The following PTPRJ variants were observed in gnomAD, a reference collection of about 807,000 sequenced individuals.
The protein encoded by PTPRJ is receptor-type tyrosine-protein phosphatase eta.
Under a neutral mutation model 141.3 loss-of-function variants are expected in PTPRJ, and 129 were observed. That is an observed-to-expected ratio of 0.91 (90% confidence interval 0.79 to 1.06). The LOEUF (loss-of-function observed/expected upper bound fraction) is 1.06. PTPRJ is among the 50% of genes least tolerant of loss of function. PTPRJ has a pLI of 0.00. For missense variants in PTPRJ, 1,601 were observed against 1,679.7 expected (o/e 0.95, Z 0.82); for synonymous variants, 610 against 640.5 (o/e 0.95, Z 0.72).
Position 48,144,694 on chromosome 11 carries a change from T to A in PTPRJ, c.2595T>A (p.Asp865Glu), listed in dbSNP as rs1421487476. Reference sequence around the variant, plus strand: ...TCTTAGCTGGTCACCCTTCTGCAGATGTCCTGAAATACACGTATGAGGATT... The same window carrying A: ...TCTTAGCTGGTCACCCTTCTGCAGAAGTCCTGAAATACACGTATGAGGATT... ...TTGEAGHPSA[D>E]VLKYTYEDFK... Residue 865 changes from aspartate to glutamate, a missense_variant, in exon 13 of 25, where the codon GAT becomes GAA. Asp to Glu is a conservative substitution (Grantham distance 45, BLOSUM62 2). Transcript: ENST00000418331. 6.2e-7 allele frequency: 1 copy of A among 1,613,940 alleles called. No homozygotes were observed. Among genetic ancestry groups the A allele is most frequent in the Admixed American group, 1.7e-5 (1 of 60,022 alleles).
chr11:48,121,214 A>G lies in PTPRJ; in HGVS notation c.564A>G (p.Pro188=). ...CTTCATATGTATTCTCCATCACTCC[A>G]GGAATAGGCAATGAGACTTGGGGAG... ...PATSYVFSIT[P]GIGNETWGDP... The change falls in exon 4 of 25, where the codon CCA becomes CCG. Residue 188 remains proline, a synonymous_variant. Coordinates refer to ENST00000418331, the MANE Select transcript of PTPRJ (RefSeq NM_002843.4). 6.2e-7 allele frequency: 1 copy of G among 1,614,180 alleles called. No individual in the cohort carries two copies. The highest frequency in any genetic ancestry group is 8.5e-7 in the Non-Finnish European group (1 of 1,179,994).
chr11:48,078,367 C>T (rs952952329), intron 1 of PTPRJ, among the ~76,000 whole-genome samples: 1 of 152,084 alleles, frequency 6.6e-6, no homozygotes, highest in Non-Finnish European at 1.5e-5. Context: ...CTGATGGATT[C>T]AGTTTATGTG....
Position 48,168,245 on chromosome 11 carries a change from A to G in PTPRJ, c.*883A>G, listed in dbSNP as rs1857965743. 1 of 151,926 alleles carries G rather than the reference A, an allele frequency of 6.6e-6. No individual in the cohort carries two copies. The highest frequency in any genetic ancestry group is 2.1e-4 in the South Asian group (1 of 4,824). The allele number at this position is 151,926 out of a possible 1,614,324, so 9.4% of individuals were successfully genotyped here. On this transcript the variant is annotated 3_prime_UTR_variant, in exon 25 of 25. Coordinates refer to ENST00000418331, the MANE Select transcript of PTPRJ (RefSeq NM_002843.4). ...GCAGAGGAATCCTACAGTGGCAGAA[A>G]TCCTTTTCTTGTCCCTGTATTATCC...
chr11:48,146,038 G>A (rs143453250), intron 14 of PTPRJ, among the ~76,000 whole-genome samples: 3 of 152,220 alleles, frequency 2.0e-5, no homozygotes, highest in African/African-American at 7.2e-5. Flanking sequence ...ATGGGGTCTT[G>A]CTATGTTGCC....
chr11:48,127,778 A>G lies in PTPRJ; in HGVS notation c.1094-2A>G. ...TTTTGAACTCCTCTTGTGTTCTCAC[A>G]GATGCTATTCAGGTTTTTGACGTCA... On this transcript the variant is annotated splice_acceptor_variant, in intron 6 of 24. Coordinates refer to ENST00000418331, the MANE Select transcript of PTPRJ (RefSeq NM_002843.4). LOFTEE classifies it high-confidence loss of function. 2 of 1,613,778 alleles carry G rather than the reference A, an allele frequency of 1.2e-6. No individual in the cohort carries two copies. Among genetic ancestry groups the G allele is most frequent in the South Asian group, 1.1e-5 (1 of 91,076 alleles).
intron 1 of PTPRJ, among the ~76,000 whole-genome samples, chr11:48,039,100 A>C (rs1173662942): frequency 2.6e-5 from 4 of 150,970 alleles, no homozygotes; most frequent in African/African-American, 9.8e-5. Flanking sequence ...CAGTGAGCTG[A>C]GATCATACCA....
chr11:48,137,689 C>T (rs1857137591), intron 10 of PTPRJ, among the ~76,000 whole-genome samples: 1 of 152,074 alleles, frequency 6.6e-6, no homozygotes, highest in Non-Finnish European at 1.5e-5. Flanking sequence ...TGCAGCATCA[C>T]CACTGTATCT....
chr11:48,079,340 G>A (rs564144667), intron 1 of PTPRJ, among the ~76,000 whole-genome samples: 8 of 152,068 alleles, frequency 5.3e-5, no homozygotes, highest in Admixed American at 3.9e-4. Flanking sequence ...TCTTGGTGGC[G>A]GTGTTCTAGA....
At position 47,996,467 on chromosome 11, in the gene PTPRJ, T is replaced by G. The variant is rs570186182; in HGVS notation, c.96+15459T>G. Among the ~76,000 whole-genome samples the G allele has an allele frequency of 7.2e-5, 11 of 152,176 alleles. No individual in the cohort carries two copies. The South Asian group carries it at 1.5e-3, about 20-fold the overall frequency. On this transcript the variant is annotated intron_variant, in intron 1 of 24. Transcript: ENST00000418331. The stretch of plus-strand genomic sequence containing the variant: ...TGCTATCTGCACAGGGACTTGAGCC[T>G]CTCAGAATCTGTTACTGCATCTGGA...
intron 2 of PTPRJ, among the ~76,000 whole-genome samples, chr11:48,112,392 G>C (rs1403108222): frequency 1.3e-5 from 2 of 152,202 alleles, no homozygotes; most frequent in African/African-American, 2.4e-5. Flanking sequence ...CCTGAACAGA[G>C]ACTCTAGGAG....
chr11:48,007,969 T>C (rs1176108394), intron 1 of PTPRJ, among the ~76,000 whole-genome samples: 2 of 152,230 alleles, frequency 1.3e-5, no homozygotes, highest in African/African-American at 4.8e-5. Flanking sequence ...CAGTTCCTGG[T>C]TCTTTCTGCC....
At chr11:48,063,793 G>A (rs1855003418) in intron 1 of PTPRJ, among the ~76,000 whole-genome samples, 1 of 152,146 alleles carries the variant, frequency 6.6e-6, no homozygotes, top group Non-Finnish European at 1.5e-5. Context: ...AACTTGATCT[G>A]GGGAAGGAGG....
chr11:48,082,123 C>G (rs1855574472), intron 1 of PTPRJ, among the ~76,000 whole-genome samples: 1 of 152,208 alleles, frequency 6.6e-6, no homozygotes, highest in African/African-American at 2.4e-5. Flanking sequence ...TCCCATCTCT[C>G]TTTTGTCTTC....
At position 47,980,678 on chromosome 11, in the gene PTPRJ, A is replaced by T; in HGVS notation, c.-235A>T. 1 of 987,944 alleles carries T rather than the reference A, an allele frequency of 1.0e-6. No individual in the cohort carries two copies. Among genetic ancestry groups the T allele is most frequent in the Non-Finnish European group, 1.2e-6 (1 of 833,110 alleles). 61.2% of individuals were successfully genotyped at this position (987,944 alleles called of 1,614,324 possible). A position where few individuals can be genotyped will look rare whatever the true frequency, so the allele number is the denominator to read the frequency against. ...CGCCCCGCGAAGCCCCTGCGCGCTCAGGGACGCGGCCCCCCCGCGGCAGCC... is the reference window on the plus strand; with the variant it reads ...CGCCCCGCGAAGCCCCTGCGCGCTCTGGGACGCGGCCCCCCCGCGGCAGCC... On this transcript the variant is annotated 5_prime_UTR_variant, in exon 1 of 25. Coordinates refer to ENST00000418331, the MANE Select transcript of PTPRJ (RefSeq NM_002843.4).
intron 1 of PTPRJ, among the ~76,000 whole-genome samples, chr11:47,997,918 T>A (rs1590391808): frequency 1.3e-5 from 2 of 151,840 alleles, no homozygotes; most frequent in South Asian, 4.2e-4. Flanking sequence ...TTCCAGCCGG[T>A]GACATTGAGA....
intron 1 of PTPRJ, among the ~76,000 whole-genome samples, chr11:48,070,109 T>C (rs1271883531): frequency 3.3e-5 from 5 of 152,208 alleles, no homozygotes; most frequent in Non-Finnish European, 7.3e-5. Flanking sequence ...AAAAGTGCCA[T>C]ATCTTTGGTT....
intron 1 of PTPRJ, among the ~76,000 whole-genome samples, chr11:48,052,746 G>T (rs376902836): frequency 8.5e-5 from 13 of 152,220 alleles, no homozygotes; most frequent in Non-Finnish European, 1.8e-4. Context: ...CTACCTTACC[G>T]CCATTAATAC....
intron 22 of PTPRJ, 28 bp from the exon 23 acceptor site, chr11:48,163,430 G>A: frequency 6.2e-7 from 1 of 1,600,112 alleles, no homozygotes; most frequent in Non-Finnish European, 8.5e-7. Flanking sequence ...CTTTCTGTCT[G>A]GATCTAAATC....
intron 1 of PTPRJ, among the ~76,000 whole-genome samples, chr11:48,105,601 T>C (rs73466894): frequency 0.015 from 2,340 of 152,220 alleles, 73 homozygotes; most frequent in African/African-American, 0.054. Context: ...ATGAAAACAA[T>C]GGCTCCACGA....
Sources: allele counts gnomAD v4.1 joint callset (sites outside exome capture counted in the v4.1 genomes callset), GRCh38; gene constraint gnomAD v4.1.1; transcripts MANE v1.5; gene names NCBI Gene and HGNC (gene_info 2026-07-23, HGNC 2026-07-21).